ABI2: variants seen among roughly 807,000 people sequenced by gnomAD.
ABI2 encodes the protein abelson interactor 2.
Under a neutral mutation model 59.2 loss-of-function variants are expected in ABI2, and 25 were observed. The ratio of observed to expected loss-of-function variants is 0.42; its 90% CI spans 0.31 to 0.59. ABI2 has a LOEUF of 0.59. Ranked by LOEUF, ABI2 falls within the 20% of genes least tolerant of loss-of-function variation. The pLI is 0.14. For synonymous variants in ABI2, 213 were observed against 235.5 expected (o/e 0.90, Z 0.87); for missense variants, 545 against 681.8 (o/e 0.80, Z 2.23).
intron 1 of ABI2, chr2:203,329,265 G>A (rs2071012281): frequency 6.6e-6 from 1 of 151,336 alleles, no homozygotes; most frequent in Non-Finnish European, 1.5e-5. Context: ...AGAATAGGCA[G>A]TTTTCCTGGG....
intron 2 of ABI2, among the ~76,000 whole-genome samples, chr2:203,379,950 T>TA (rs1250727172): frequency 6.6e-6 from 1 of 152,194 alleles, no homozygotes; most frequent in Non-Finnish European, 1.5e-5. Flanking sequence ...CTCCAAACAT[T>TA]AAAAAATGTA....
At chr2:203,355,247 C>T (rs1372414145) in intron 1 of ABI2, 1 of 361,638 alleles carries the variant, frequency 2.8e-6, no homozygotes, top group East Asian at 7.6e-5. Context: ...TGGCTCATTC[C>T]TGTAATCCTA....
rs1581211612 is a variant in ABI2 at position 203,429,461 on chromosome 2, A to G, written c.*2109A>G. 6.6e-6 allele frequency: 1 copy of G among 152,228 alleles called. No homozygotes were observed. 9.4% of individuals were successfully genotyped at this position (152,228 alleles called of 1,614,324 possible). A position where few individuals can be genotyped will look rare whatever the true frequency, so the allele number is the denominator to read the frequency against. ...GAGGCAGAGGGTGTTTTGAAATCCAATAAATAGTTCCCACAGGCTGGGTGT... is the reference window on the plus strand; with the variant it reads ...GAGGCAGAGGGTGTTTTGAAATCCAGTAAATAGTTCCCACAGGCTGGGTGT... On this transcript the variant is annotated 3_prime_UTR_variant, in exon 12 of 12. Coordinates refer to ENST00000261018, the MANE Select transcript of ABI2 (RefSeq NM_001375670.1).
At chr2:203,376,118 T>TTC (rs1392185157) in intron 2 of ABI2, 1 of 1,534,350 alleles carries the variant, frequency 6.5e-7, no homozygotes, top group Non-Finnish European at 8.7e-7. Context: ...CAATTGCAGT[T>TTC]TGAGATTGAA....
At chr2:203,335,373 TC>T (rs2075973161) in intron 1 of ABI2, among the ~76,000 whole-genome samples, 1 of 152,204 alleles carries the variant, frequency 6.6e-6, no homozygotes, top group Admixed American at 6.5e-5. Flanking sequence ...TCTTCACACT[TC>T]AGCTCCCAAA....
At chr2:203,412,524 G>A (rs1478405419) in intron 10 of ABI2, among the ~76,000 whole-genome samples, 1 of 152,008 alleles carries the variant, frequency 6.6e-6, no homozygotes, top group Non-Finnish European at 1.5e-5. Context: ...TTTGTTTATT[G>A]GAAGGTACTC....
chr2:203,398,936 G>A (rs1290627633), intron 8 of ABI2, among the ~76,000 whole-genome samples: 1 of 152,032 alleles, frequency 6.6e-6, no homozygotes, highest in African/African-American at 2.4e-5. Flanking sequence ...ACCACAATTT[G>A]TTTATCCCTT....
rs145095166 is a variant in ABI2, at chr2:203,340,943, A to G, written c.117+12312A>G. ...TCCTTTACCCTTCTTTGTTCACTCAACTTCAGCCACTTTGGCATCCTTTTC... is the reference window on the plus strand; with the variant it reads ...TCCTTTACCCTTCTTTGTTCACTCAGCTTCAGCCACTTTGGCATCCTTTTC... On this transcript the variant is annotated intron_variant, in intron 1 of 11. Transcript: ENST00000261018. Among the ~76,000 whole-genome samples the G allele has an allele frequency of 7.8e-4, 119 of 152,188 alleles. 1 individual carries two copies. Among genetic ancestry groups the G allele is most frequent in the African/African-American group, 2.8e-3 (116 of 41,534 alleles).
chr2:203,406,840 T>C (rs1309110661), intron 9 of ABI2, among the ~76,000 whole-genome samples: 1 of 152,104 alleles, frequency 6.6e-6, no homozygotes, highest in East Asian at 1.9e-4. Flanking sequence ...TTTTTTTTTC[T>C]TTAATAGAGA....
chr2:203,390,202 C>T (rs1035562721), intron 4 of ABI2, among the ~76,000 whole-genome samples: 2 of 152,134 alleles, frequency 1.3e-5, no homozygotes, highest in African/African-American at 4.8e-5. Flanking sequence ...AAGGCTGGCC[C>T]ACAATTTAAA....
intron 9 of ABI2, among the ~76,000 whole-genome samples, chr2:203,405,446 AGGCT>A (rs1256971910): frequency 2.6e-5 from 4 of 152,084 alleles, no homozygotes; most frequent in Admixed American, 2.6e-4. Flanking sequence ...GCTCCTCAGG[AGGCT>A]GAGGCAGAAC....
chr2:203,352,238 C>T (rs376382826), intron 1 of ABI2, among the ~76,000 whole-genome samples: 7 of 152,012 alleles, frequency 4.6e-5, no homozygotes, highest in East Asian at 3.9e-4. Flanking sequence ...GATGGAAGGA[C>T]GGCTTGAGTT....
intron 4 of ABI2, among the ~76,000 whole-genome samples, chr2:203,390,765 A>G (rs1369968135): frequency 6.6e-6 from 1 of 152,256 alleles, no homozygotes; most frequent in Non-Finnish European, 1.5e-5. Flanking sequence ...TGTAATATCA[A>G]ATAATCTAAC....
At chr2:203,389,372 C>T (rs548290888) in intron 4 of ABI2, among the ~76,000 whole-genome samples, 1 of 152,154 alleles carries the variant, frequency 6.6e-6, no homozygotes, top group African/African-American at 2.4e-5. Context: ...TAACATCACA[C>T]ACAACTTGTT....
chr2:203,360,048 G>A (rs2093208840), intron 1 of ABI2, among the ~76,000 whole-genome samples: 2 of 151,874 alleles, frequency 1.3e-5, no homozygotes, highest in South Asian at 4.2e-4. Context: ...AGCTGGGCGT[G>A]GTGGTGCATG....
At chr2:203,395,359 G>T (rs2096928722) in intron 6 of ABI2, among the ~76,000 whole-genome samples, 1 of 148,938 alleles carries the variant, frequency 6.7e-6, no homozygotes, top group Non-Finnish European at 1.5e-5. Context: ...TTGTATTTAT[G>T]GATAATTTTT....
At chr2:203,340,589 C>T (rs2079273590) in intron 1 of ABI2, among the ~76,000 whole-genome samples, 1 of 152,066 alleles carries the variant, frequency 6.6e-6, no homozygotes, top group Admixed American at 6.6e-5. Context: ...AACTCCTGGG[C>T]TCTACCCATC....
At chr2:203,338,973 T>TATATAA (rs2078119475) in intron 1 of ABI2, among the ~76,000 whole-genome samples, 1 of 10,262 alleles carries the variant, frequency 9.7e-5, no homozygotes, top group African/African-American at 2.8e-4. Flanking sequence ...AATATATATA[T>TATATAA]ATATATATAA....
At chr2:203,371,951 G>A (rs1485538606) in intron 2 of ABI2, among the ~76,000 whole-genome samples, 1 of 147,534 alleles carries the variant, frequency 6.8e-6, no homozygotes, top group African/African-American at 2.5e-5. Context: ...ATTTTTAATT[G>A]ATCATTCTTG....
Sources: gnomAD v4.1 joint callset for allele counts (sites outside exome capture counted in the v4.1 genomes callset) on GRCh38, gnomAD v4.1.1 for gene constraint, MANE v1.5 for transcripts, NCBI Gene and HGNC (gene_info 2026-07-23, HGNC 2026-07-21) for gene names.